The following SORCS1 variants were observed in gnomAD, a reference collection of about 807,000 sequenced individuals.
The protein encoded by SORCS1 is sortilin related VPS10 domain containing receptor 1, also known as VPS10 domain-containing receptor SorCS1.
A neutral mutation model predicts 146.1 loss-of-function variants in SORCS1; 60 were observed. The ratio of observed to expected loss-of-function variants is 0.41; its 90% CI spans 0.33 to 0.51. The LOEUF (loss-of-function observed/expected upper bound fraction) is 0.51, where lower values mean the gene tolerates loss of function less well. Ranked by LOEUF, SORCS1 falls within the 20% of genes least tolerant of loss-of-function variation. SORCS1 has a pLI of 0.21. For synonymous variants in SORCS1, 637 were observed against 584.0 expected, an observed-to-expected ratio of 1.09 and a Z score of -1.31; for missense variants, 1,352 against 1,487.6, an observed-to-expected ratio of 0.91 and a Z score of 1.50.
At chr10:107,114,938 T>C (rs1392625377) in intron 1 of SORCS1, among the ~76,000 whole-genome samples, 2 of 152,068 alleles carry the variant, frequency 1.3e-5, no homozygotes, top group East Asian at 3.8e-4. Context: ...CACATGTCAG[T>C]TGCATTTCTA....
chr10:106,819,405 T>C (rs1244561539), intron 3 of SORCS1, among the ~76,000 whole-genome samples: 1 of 152,220 alleles, frequency 6.6e-6, no homozygotes, highest in Non-Finnish European at 1.5e-5. Flanking sequence ...CCACAACTAA[T>C]GATGCCCCTG....
In SORCS1 at chr10:106,673,921, A is replaced by G. The variant is rs150939451; in HGVS notation, c.1941-936T>C. ...TTGAAAATATAAAAATTGAAGAAAG[A>G]CAAATTATGGAATGCATTGCTAATT... On this transcript the variant is annotated intron_variant, in intron 14 of 25. Coordinates refer to ENST00000263054, the MANE Select transcript of SORCS1 (RefSeq NM_052918.5). Among the ~76,000 whole-genome samples, 886 of 152,264 alleles carry G rather than the reference A, an allele frequency of 5.8e-3. 10 individuals are homozygous for G. The highest frequency in any genetic ancestry group is 0.02 in the African/African-American group (830 of 41,560).
intron 18 of SORCS1, among the ~76,000 whole-genome samples, chr10:106,647,831 T>C (rs1360922186): frequency 6.6e-6 from 1 of 152,206 alleles, no homozygotes; most frequent in Non-Finnish European, 1.5e-5. Context: ...CAAAATATAA[T>C]TACTGATATT....
chr10:106,707,929 C>T (rs1854651492), intron 7 of SORCS1, among the ~76,000 whole-genome samples: 1 of 152,172 alleles, frequency 6.6e-6, no homozygotes, highest in Non-Finnish European at 1.5e-5. Context: ...AGGAATGTGA[C>T]TTGGAAAGTT....
At chr10:107,037,732 G>C (rs1245261416) in intron 1 of SORCS1, among the ~76,000 whole-genome samples, 1 of 152,206 alleles carries the variant, frequency 6.6e-6, no homozygotes, top group Admixed American at 6.5e-5. Flanking sequence ...CAGCTAGAGA[G>C]GCTAATAGGA....
intron 2 of SORCS1, among the ~76,000 whole-genome samples, chr10:106,852,066 T>G (rs1360986482): frequency 1.3e-5 from 2 of 152,228 alleles, no homozygotes; most frequent in African/African-American, 2.4e-5. Context: ...AATTACTTAT[T>G]AGTTTTTTCA....
At chr10:106,718,989 T>G (rs2135922511) in intron 6 of SORCS1, among the ~76,000 whole-genome samples, 1 of 152,260 alleles carries the variant, frequency 6.6e-6, no homozygotes, top group Non-Finnish European at 1.5e-5. Context: ...AAGCACTGAT[T>G]AGTGCGTTTA....
Position 106,618,385 on chromosome 10 carries a change from G to A in SORCS1, c.2797-113C>T, listed in dbSNP as rs1355123632. ...TAACCCAGCAGAGGCTCTTCCTGAT[G>A]TACCACAATGGCACTGAGTCCCTCT... is the stretch of plus-strand genomic sequence containing the variant. On this transcript the variant is annotated intron_variant, in intron 20 of 25. Coordinates refer to ENST00000263054, the MANE Select transcript of SORCS1 (RefSeq NM_052918.5). 12 of 1,337,984 alleles carry A rather than the reference G, an allele frequency of 9.0e-6. No individual in the cohort carries two copies. In the South Asian group the frequency reaches 1.5e-4, roughly 17 times the overall value. 82.9% of individuals were successfully genotyped at this position (1,337,984 alleles called of 1,614,324 possible).
chr10:107,100,833 C>G (rs1236602881), intron 1 of SORCS1, among the ~76,000 whole-genome samples: 2 of 152,002 alleles, frequency 1.3e-5, no homozygotes, highest in African/African-American at 2.4e-5. Context: ...TGTTACTTTA[C>G]ACTTCTCCCT....
intron 1 of SORCS1, among the ~76,000 whole-genome samples, chr10:107,065,577 G>A (rs929493095): frequency 1.4e-5 from 2 of 144,090 alleles, no homozygotes; most frequent in African/African-American, 2.7e-5. Context: ...GAGTGCAGTG[G>A]CGTGATCTCA....
chr10:106,612,498 A>G (rs1394920194), intron 21 of SORCS1, among the ~76,000 whole-genome samples: 1 of 149,384 alleles, frequency 6.7e-6, no homozygotes, highest in Non-Finnish European at 1.5e-5. Flanking sequence ...CATGTCATTC[A>G]TGATATAGAC....
Position 106,960,713 on chromosome 10 carries a change from G to C in SORCS1, c.559-4133C>G, listed in dbSNP as rs1029287373. Among the ~76,000 whole-genome samples, 1 of 152,068 alleles carries C rather than the reference G, an allele frequency of 6.6e-6. No homozygotes were observed. The highest frequency in any genetic ancestry group is 1.5e-5 in the Non-Finnish European group (1 of 68,010). On this transcript the variant is annotated intron_variant, in intron 1 of 25. Transcript: ENST00000263054. The surrounding 1 kb of genome is among the most constrained non-coding windows in gnomAD (Gnocchi z 4.4). The stretch of plus-strand genomic sequence containing the variant: ...ACTGCGCCCAGCCAGTCCATACTTA[G>C]AGAGAGGATGCCAGTGCCCACTCAC...
At chr10:107,027,039 T>A (rs1214329541) in intron 1 of SORCS1, among the ~76,000 whole-genome samples, 2 of 146,650 alleles carry the variant, frequency 1.4e-5, no homozygotes, top group East Asian at 1.9e-4. Context: ...TATATAAAAA[T>A]ATATATATAA....
intron 2 of SORCS1, among the ~76,000 whole-genome samples, chr10:106,924,310 G>T (rs1229482523): frequency 6.6e-6 from 1 of 151,378 alleles, no homozygotes; most frequent in East Asian, 1.9e-4. Context: ...AGTGAGAAAT[G>T]CATGATAATG....
chr10:107,057,151 A>C (rs961617653), intron 1 of SORCS1, among the ~76,000 whole-genome samples: 3 of 152,246 alleles, frequency 2.0e-5, no homozygotes, highest in African/African-American at 7.2e-5. Flanking sequence ...AGACTAGAAA[A>C]GAATGAGATC....
chr10:106,849,549 G>C (rs1949455345), intron 2 of SORCS1, among the ~76,000 whole-genome samples: 1 of 150,534 alleles, frequency 6.6e-6, no homozygotes, highest in Admixed American at 6.6e-5. Flanking sequence ...CCGTAGCTCA[G>C]AGTAATTTGA....
intron 16 of SORCS1, among the ~76,000 whole-genome samples, chr10:106,670,165 T>C (rs1448737255): frequency 1.3e-5 from 2 of 152,104 alleles, no homozygotes; most frequent in African/African-American, 2.4e-5. Context: ...AAGAAAACAA[T>C]GGAAAATGAG....
chr10:106,924,954 C>T (rs1279505005), intron 2 of SORCS1, among the ~76,000 whole-genome samples: 1 of 152,114 alleles, frequency 6.6e-6, no homozygotes, highest in Non-Finnish European at 1.5e-5. Flanking sequence ...TTCTTTTCCT[C>T]ACTCACAAGA....
chr10:107,171,791 C>A, the SORCS1 span, among the ~76,000 whole-genome samples: 1 of 152,104 alleles, frequency 6.6e-6, no homozygotes, highest in Non-Finnish European at 1.5e-5. Flanking sequence ...AGCCACCATG[C>A]CCAGCCAGGG....
Sources: allele counts gnomAD v4.1 joint callset (sites outside exome capture counted in the v4.1 genomes callset), GRCh38; gene constraint gnomAD v4.1.1; non-coding constraint Gnocchi (gnomAD v3.1); transcripts MANE v1.5; gene names NCBI Gene and HGNC (gene_info 2026-07-23, HGNC 2026-07-21).